The following TTLL1 variants were observed in gnomAD, a reference collection of about 807,000 sequenced individuals.
The protein encoded by TTLL1 is polyglutamylase complex subunit TTLL1.
In TTLL1, 33 loss-of-function variants were observed where a neutral mutation model predicts 47.8. The observed-to-expected ratio is 0.69, with a 90% CI of 0.52 to 0.92. The LOEUF (loss-of-function observed/expected upper bound fraction) is 0.92, where lower values mean the gene tolerates loss of function less well. TTLL1 is among the 40% of genes least tolerant of loss of function. The pLI is 0.00. For missense variants in TTLL1, 488 were observed against 547.5 expected, an observed-to-expected ratio of 0.89 and a Z score of 1.08; for synonymous variants, 225 against 214.1, an observed-to-expected ratio of 1.05 and a Z score of -0.45.
chr22:43,080,382 C>CA (rs765171377), intron 1 of TTLL1, among the ~76,000 whole-genome samples: 5 of 152,168 alleles, frequency 3.3e-5, no homozygotes, highest in Middle Eastern at 6.8e-3. Context: ...AATACTATGA[C>CA]AAAACCGTAA....
At chr22:43,072,729 C>T (rs1928210123) in intron 3 of TTLL1, among the ~76,000 whole-genome samples, 1 of 152,218 alleles carries the variant, frequency 6.6e-6, no homozygotes, top group Admixed American at 6.5e-5. Context: ...GCCTCCACCT[C>T]CCAAAAGGCT....
chr22:43,065,167 T>G (rs1601682710), intron 5 of TTLL1, among the ~76,000 whole-genome samples: 1 of 151,904 alleles, frequency 6.6e-6, no homozygotes. Context: ...AATAAAATAA[T>G]GGTGGATCCA....
chr22:43,081,557 T>G (rs981058583), intron 1 of TTLL1, among the ~76,000 whole-genome samples: 5 of 152,088 alleles, frequency 3.3e-5, no homozygotes, highest in Admixed American at 6.6e-5. Context: ...ATTTTATTTT[T>G]TTATTTTTTT....
chr22:43,087,535 A>AG (rs1929303680), intron 1 of TTLL1, among the ~76,000 whole-genome samples: 1 of 151,316 alleles, frequency 6.6e-6, no homozygotes, highest in African/African-American at 2.4e-5. Flanking sequence ...AAAAAAAAAA[A>AG]AAAAAGAAAT....
chr22:43,064,495 C>T (rs895360752), intron 5 of TTLL1, among the ~76,000 whole-genome samples, 171 bp from the exon 6 acceptor site: 1 of 151,786 alleles, frequency 6.6e-6, no homozygotes, highest in Admixed American at 6.6e-5. Flanking sequence ...GGAGGCGAGG[C>T]GGGTGGATCA....
At chr22:43,072,706 A>G (rs1928209215) in intron 3 of TTLL1, among the ~76,000 whole-genome samples, 1 of 152,174 alleles carries the variant, frequency 6.6e-6, no homozygotes, top group South Asian at 2.1e-4. Flanking sequence ...TCCTGGGCTC[A>G]AGAGATCTGT....
chr22:43,071,815 C>T (rs1295370089), intron 3 of TTLL1, among the ~76,000 whole-genome samples: 1 of 152,168 alleles, frequency 6.6e-6, no homozygotes, highest in African/African-American at 2.4e-5. Flanking sequence ...TAGAGCCAGC[C>T]GATGGGATGA....
intron 7 of TTLL1, among the ~76,000 whole-genome samples, chr22:43,059,931 C>G (rs1202802197): frequency 6.6e-6 from 1 of 152,180 alleles, no homozygotes; most frequent in Non-Finnish European, 1.5e-5. Context: ...CTCAAGGGAT[C>G]CTCCTGCCTT....
chr22:43,069,472 C>T lies in TTLL1; in HGVS notation c.322+164G>A. ...CTAGGATGCCACACTCAGGCCCCTC[C>T]TTCTCCCTCATTCTGGAGACACCTG... On this transcript the variant is annotated intron_variant, in intron 4 of 10. Coordinates refer to ENST00000266254, the MANE Select transcript of TTLL1 (RefSeq NM_012263.5). 2.3e-6 allele frequency: 3 copies of T among 1,284,884 alleles called. 1 individual carries two copies. The South Asian group carries it at 4.5e-5, about 19-fold the overall frequency. 79.6% of individuals were successfully genotyped at this position (1,284,884 alleles called of 1,614,324 possible).
In TTLL1 at chr22:43,075,516, CCT is replaced by C; in HGVS notation, c.69_70del (p.Gly24MetfsTer27). On this transcript the variant is annotated frameshift_variant, in exon 3 of 11. Coordinates refer to ENST00000266254, the MANE Select transcript of TTLL1 (RefSeq NM_012263.5). LOFTEE classifies it high-confidence loss of function. ...CTCGTTTTCTGTCACTTGGACCCAT[CCT>C]CTCTTTTCAAAGTTATTGATCAGCA... 6.2e-7 allele frequency: 1 copy of C among 1,614,140 alleles called. No individual in the cohort carries two copies. The highest frequency in any genetic ancestry group is 8.5e-7 in the Non-Finnish European group (1 of 1,180,016).
chr22:43,047,479 G>T (rs151147325), intron 9 of TTLL1, among the ~76,000 whole-genome samples: 1,687 of 151,888 alleles, frequency 0.011, 28 homozygotes, highest in African/African-American at 0.039. Context: ...ACTTTTTTTG[G>T]TTTTTTTGAG....
chr22:43,039,996 A>G, intron 10 of TTLL1, 91 bp from the exon 11 acceptor site: 2 of 1,517,432 alleles, frequency 1.3e-6, no homozygotes, highest in Non-Finnish European at 1.8e-6. Flanking sequence ...ATATGACATC[A>G]CCCAGAGAAG....
chr22:43,075,682 A>C, intron 2 of TTLL1, 92 bp from the exon 3 acceptor site: 1 of 1,086,936 alleles, frequency 9.2e-7, no homozygotes, highest in South Asian at 1.3e-5. Context: ...GCCCATCCCA[A>C]ACTCGATCTT....
chr22:43,041,023 G>A (rs1029344007), intron 10 of TTLL1, among the ~76,000 whole-genome samples: 3 of 152,152 alleles, frequency 2.0e-5, no homozygotes, highest in Admixed American at 1.3e-4. Context: ...GAATGGGGCC[G>A]CCCCCCTCCA....
rs57003421 is a variant in TTLL1, at chr22:43,045,470, A to ATTTT, written c.1142+936_1142+939dup. ...CTGTAAAATAGATCTTATTATACCC[A>ATTTT]TTTTTTTTTTTTTTTTTTTTTGTAG... On this transcript the variant is annotated intron_variant, in intron 10 of 10. Transcript: ENST00000266254. Among the ~76,000 whole-genome samples the ATTTT allele has an allele frequency of 1.2e-3, 129 of 107,968 alleles. 5 individuals are homozygous for ATTTT. The highest frequency in any genetic ancestry group is 5.6e-3 in the Middle Eastern group (1 of 178). 70.8% of individuals were successfully genotyped at this position (107,968 alleles called of 152,430 possible). A position where few individuals can be genotyped will look rare whatever the true frequency, so the allele number is the denominator to read the frequency against.
intron 2 of TTLL1, among the ~76,000 whole-genome samples, chr22:43,077,790 G>C (rs901925213): frequency 6.6e-6 from 1 of 152,150 alleles, no homozygotes; most frequent in African/African-American, 2.4e-5. Context: ...CATCTGGCCT[G>C]TACAATTCAC....
intron 1 of TTLL1, among the ~76,000 whole-genome samples, chr22:43,083,944 A>G (rs1235061735): frequency 3.3e-5 from 5 of 152,298 alleles, no homozygotes; most frequent in Non-Finnish European, 5.9e-5. Flanking sequence ...CTGAGATTTA[A>G]CAAGTTGAGA....
rs532609730 is a variant in TTLL1, at chr22:43,088,430, G to A, written c.-90+847C>T. Among the ~76,000 whole-genome samples, 63 of 135,344 alleles carry A rather than the reference G, an allele frequency of 4.7e-4. 1 individual carries two copies. Among genetic ancestry groups the A allele is most frequent in the African/African-American group, 1.6e-3 (59 of 37,442 alleles). The allele number at this position is 135,344 out of a possible 152,430, so 88.8% of individuals were successfully genotyped here. A position where few individuals can be genotyped will look rare whatever the true frequency, so the allele number is the denominator to read the frequency against. The stretch of plus-strand genomic sequence containing the variant: ...CGGCTCACTGCAAGCTCCGCCTCCC[G>A]GGTTCACGCCATTCTCCTGCCTCAG... On this transcript the variant is annotated intron_variant, in intron 1 of 10. Coordinates refer to ENST00000266254, the MANE Select transcript of TTLL1 (RefSeq NM_012263.5).
intron 8 of TTLL1, among the ~76,000 whole-genome samples, chr22:43,052,931 G>A (rs368288210): frequency 1.3e-5 from 2 of 151,576 alleles, no homozygotes; most frequent in Admixed American, 6.6e-5. Flanking sequence ...GTGGTGGCGC[G>A]TGCCTGTAAT....
Sources: gnomAD v4.1 joint callset for allele counts (sites outside exome capture counted in the v4.1 genomes callset) on GRCh38, gnomAD v4.1.1 for gene constraint, MANE v1.5 for transcripts, NCBI Gene and HGNC (gene_info 2026-07-23, HGNC 2026-07-21) for gene names.